Variants in ZNRF3 observed in about 807,000 individuals in gnomAD.
The protein encoded by ZNRF3 is E3 ubiquitin-protein ligase ZNRF3.
ZNRF3 carries 23 observed loss-of-function variants against 72.5 expected under a neutral mutation model. The observed-to-expected ratio is 0.32, with a 90% CI of 0.23 to 0.45. The LOEUF (loss-of-function observed/expected upper bound fraction) is 0.45, where lower values mean the gene tolerates loss of function less well. Ranked by LOEUF, ZNRF3 falls within the 20% of genes least tolerant of loss-of-function variation. ZNRF3 has a pLI of 1.00. For synonymous variants in ZNRF3, 610 were observed against 545.3 expected (o/e 1.12, Z -1.65); for missense variants, 1,169 against 1,272.1 (o/e 0.92, Z 1.23).
At position 29,048,987 on chromosome 22, in the gene ZNRF3, G is replaced by A. The variant is rs774204563; in HGVS notation, c.1016-210G>A. ...GGCAGAGCAGTGGGGAGTTGGGAGC[G>A]GGGCCCTTACAGGAGATGGGCCATT... On this transcript the variant is annotated intron_variant, in intron 7 of 8. Coordinates refer to ENST00000544604, the MANE Select transcript of ZNRF3 (RefSeq NM_001206998.2). The surrounding 1 kb of genome is among the most constrained non-coding windows in gnomAD (Gnocchi z 4.9). Among the ~76,000 whole-genome samples, 1 of 152,128 alleles carries A rather than the reference G, an allele frequency of 6.6e-6. No individual in the cohort carries two copies. The highest frequency in any genetic ancestry group is 1.5e-5 in the Non-Finnish European group (1 of 68,002).
chr22:29,013,442 G>C (rs1443708886), intron 2 of ZNRF3, among the ~76,000 whole-genome samples: 1 of 152,180 alleles, frequency 6.6e-6, no homozygotes, highest in African/African-American at 2.4e-5. Context: ...TGGTTTTGTA[G>C]ATGCAACATT....
chr22:29,020,459 C>T (rs1410630983), intron 2 of ZNRF3, among the ~76,000 whole-genome samples: 1 of 151,860 alleles, frequency 6.6e-6, no homozygotes, highest in African/African-American at 2.4e-5. Context: ...CGGGCTTTCA[C>T]CATGCTGCCC....
chr22:29,026,916 T>C (rs887360310), intron 2 of ZNRF3: 4 of 152,228 alleles, frequency 2.6e-5, no homozygotes, highest in African/African-American at 9.6e-5. Flanking sequence ...ACACATTTTC[T>C]CTTCAACAAG....
intron 1 of ZNRF3, among the ~76,000 whole-genome samples, chr22:28,887,254 G>T (rs1392846101): frequency 6.6e-6 from 1 of 151,852 alleles, no homozygotes; most frequent in African/African-American, 2.4e-5. Context: ...GTGTGTGTGT[G>T]TGTGTGTGTG....
At chr22:28,980,142 T>G (rs2035740635) in intron 1 of ZNRF3, among the ~76,000 whole-genome samples, 1 of 152,026 alleles carries the variant, frequency 6.6e-6, no homozygotes, top group Non-Finnish European at 1.5e-5. Context: ...AGTCTCCATT[T>G]TACAGATAAG....
intron 1 of ZNRF3, among the ~76,000 whole-genome samples, chr22:28,969,509 A>G (rs2035532879): frequency 6.6e-6 from 1 of 152,206 alleles, no homozygotes; most frequent in South Asian, 2.1e-4. Context: ...CAGAGGGAAC[A>G]AGAGCAAGTG....
intron 1 of ZNRF3, among the ~76,000 whole-genome samples, chr22:28,899,698 T>C (rs1169053322): frequency 6.6e-6 from 1 of 150,734 alleles, no homozygotes; most frequent in African/African-American, 2.4e-5. Flanking sequence ...TCTTTCTTTT[T>C]TTTTTTTTTT....
intron 8 of ZNRF3, among the ~76,000 whole-genome samples, 159 bp downstream of exon 8, chr22:29,051,107 C>G (rs1048382080): frequency 6.6e-6 from 1 of 152,218 alleles, no homozygotes; most frequent in Non-Finnish European, 1.5e-5. Context: ...GCCTGGCCCT[C>G]CCTTGGAGTT....
intron 2 of ZNRF3, chr22:29,031,139 G>C (rs1569288747): frequency 6.6e-6 from 1 of 152,364 alleles, no homozygotes; most frequent in African/African-American, 2.4e-5. Context: ...AGTCTTGAAA[G>C]TAAGCTAGCC....
At chr22:29,029,687 G>C (rs1450674196) in intron 2 of ZNRF3, among the ~76,000 whole-genome samples, 3 of 152,158 alleles carry the variant, frequency 2.0e-5, no homozygotes, top group Non-Finnish European at 4.4e-5. Flanking sequence ...TCCTGGGCTC[G>C]AGTTTTTTTG....
chr22:29,050,547 G>A lies in ZNRF3; in HGVS notation c.2366G>A (p.Arg789His), dbSNP rs771671819. ...CCFYEEKQVA[R>H]GGGGGSGCYT... ...TTCTATGAAGAGAAGCAGGTGGCCCGCGGGGGCGGAGGGGGCAGCGGCTGC... is the reference window on the plus strand; with the variant it reads ...TTCTATGAAGAGAAGCAGGTGGCCCACGGGGGCGGAGGGGGCAGCGGCTGC... Residue 789 changes from arginine (R) to histidine (H), a missense_variant, in exon 8 of 9, where the codon CGC becomes CAC. By Grantham distance (29) the Arg-to-His change is conservative (BLOSUM62 0). This residue lies in a region of ZNRF3 where 783 missense variants were observed against 731.4 expected (regional missense o/e 1.07). Transcript: ENST00000544604. 12 of 1,610,332 alleles carry A rather than the reference G, an allele frequency of 7.5e-6. No individual in the cohort carries two copies. Among genetic ancestry groups the A allele is most frequent in the Non-Finnish European group, 1.0e-5 (12 of 1,178,764 alleles).
At position 28,987,145 on chromosome 22, in the gene ZNRF3, G is replaced by C; in HGVS notation, c.370G>C (p.Val124Leu). The C allele has an allele frequency of 6.2e-7, 1 of 1,613,974 alleles. No homozygotes were observed. Among genetic ancestry groups the C allele is most frequent in the Non-Finnish European group, 8.5e-7 (1 of 1,179,936 alleles). Residue 124 changes from valine (V) to leucine (L), a missense_variant, in exon 2 of 9, where the codon GTG (valine) becomes CTG (leucine). Transcript: ENST00000544604. The part of the protein sequence containing the change: ...DLYEYGWVGV[V>L]KLEQPELDPK... ...GTATGAATATGGCTGGGTAGGAGTG[G>C]TGAAGCTGGAACAGCCAGAATTGGA...
At position 28,903,362 on chromosome 22, in the gene ZNRF3, G is replaced by A. The variant is rs114519154; in HGVS notation, c.300+19296G>A. Among the ~76,000 whole-genome samples the A allele has an allele frequency of 3.0e-3, 454 of 152,262 alleles. 4 individuals carry two copies. The highest frequency in any genetic ancestry group is 0.011 in the African/African-American group (439 of 41,542). On this transcript the variant is annotated intron_variant, in intron 1 of 8. Coordinates refer to ENST00000544604, the MANE Select transcript of ZNRF3 (RefSeq NM_001206998.2). ...GCTGATTGCTCCTCTGGATCCAGCCGGACGCATGGAATGCTGCAACATACT... is the reference window on the plus strand; with the variant it reads ...GCTGATTGCTCCTCTGGATCCAGCCAGACGCATGGAATGCTGCAACATACT...
At chr22:29,026,615 G>A (rs1158562241) in intron 2 of ZNRF3, 1 of 152,182 alleles carries the variant, frequency 6.6e-6, no homozygotes, top group Non-Finnish European at 1.5e-5. Context: ...GCAAGACCCT[G>A]GGACTCCTGT....
chr22:29,003,660 T>C (rs1330449261), intron 2 of ZNRF3, among the ~76,000 whole-genome samples: 1 of 151,634 alleles, frequency 6.6e-6, no homozygotes, highest in Non-Finnish European at 1.5e-5. Flanking sequence ...GGCAACATAG[T>C]GAGACCCTGT....
intron 2 of ZNRF3, among the ~76,000 whole-genome samples, chr22:29,022,557 C>T (rs1413266849): frequency 6.6e-6 from 1 of 152,190 alleles, no homozygotes; most frequent in African/African-American, 2.4e-5. Flanking sequence ...CTGTTAAAAA[C>T]CTTGACTTTA....
chr22:28,918,783 G>T lies in ZNRF3; in HGVS notation c.300+34717G>T, dbSNP rs555193387. Among the ~76,000 whole-genome samples, 389 of 152,200 alleles carry T rather than the reference G, an allele frequency of 2.6e-3. 3 individuals carry two copies. The highest frequency in any genetic ancestry group is 8.9e-3 in the African/African-American group (369 of 41,518). ...CAGCCCTGTTCTTGCTCCCTACTGG[G>T]GTAGGAAAGCTGCCACTGATCCCAT... On this transcript the variant is annotated intron_variant, in intron 1 of 8. Transcript: ENST00000544604.
intron 1 of ZNRF3, among the ~76,000 whole-genome samples, chr22:28,970,840 C>T (rs953658287): frequency 2.8e-4 from 43 of 152,228 alleles, no homozygotes; most frequent in Middle Eastern, 3.4e-3. Context: ...GAAATCAGAT[C>T]GGTGATAGTC....
At position 28,955,510 on chromosome 22, in the gene ZNRF3, C is replaced by A. The variant is rs187307530; in HGVS notation, c.301-31566C>A. On this transcript the variant is annotated intron_variant, in intron 1 of 8. Transcript: ENST00000544604. ...CAGCAGTGGACTCCTGGCCTACCCT[C>A]TGGGAAACATGAATGTGGTGTATAG... Among the ~76,000 whole-genome samples the A allele has an allele frequency of 2.0e-5, 3 of 152,166 alleles. No homozygotes were observed. The South Asian group carries it at 6.2e-4, about 32-fold the overall frequency.
Sources: allele counts gnomAD v4.1 joint callset (sites outside exome capture counted in the v4.1 genomes callset), GRCh38; gene constraint gnomAD v4.1.1; regional missense constraint gnomAD v4.1.1; non-coding constraint Gnocchi (gnomAD v3.1); transcripts MANE v1.5; gene names NCBI Gene and HGNC (gene_info 2026-07-23, HGNC 2026-07-21).